BMP5: variants seen among roughly 807,000 people sequenced by gnomAD.
BMP5 encodes bone morphogenetic protein 5.
Under a neutral mutation model 46.6 loss-of-function variants are expected in BMP5, and 23 were observed. That is an observed-to-expected ratio of 0.49 (90% CI 0.35 to 0.70). BMP5 has a LOEUF of 0.70. Ranked by LOEUF, BMP5 falls within the 30% of genes least tolerant of loss-of-function variation. The pLI, the probability that BMP5 is intolerant of heterozygous loss-of-function variation, is 0.00. For missense variants in BMP5, 545 were observed against 565.6 expected, an observed-to-expected ratio of 0.96 and a Z score of 0.37; for synonymous variants, 204 against 191.9, an observed-to-expected ratio of 1.06 and a Z score of -0.52.
intron 1 of BMP5, among the ~76,000 whole-genome samples, chr6:55,828,315 T>TAGC (rs2127541348): frequency 6.6e-6 from 1 of 151,962 alleles, no homozygotes; most frequent in South Asian, 2.1e-4. Context: ...GGGTGACAGA[T>TAGC]AAGTAGTAGA....
chr6:55,799,263 A>G (rs1228701807), intron 2 of BMP5, among the ~76,000 whole-genome samples: 2 of 152,198 alleles, frequency 1.3e-5, no homozygotes, highest in African/African-American at 4.8e-5. Flanking sequence ...GGTCTGCCAT[A>G]ATACAAATGT....
chr6:55,794,282 C>T lies in BMP5; in HGVS notation c.829G>A (p.Asp277Asn), dbSNP rs1174900882. Reference sequence around the variant, plus strand: ...ATATATAAAATTCAGTGCTTACCATCCCCTGTTTCTGCACAGAGCTGTAAG... The same window carrying T: ...ATATATAAAATTCAGTGCTTACCATTCCCTGTTTCTGCACAGAGCTGTAAG... ...LGLQLCAETG[D>N]GRSINVKSAG... Residue 277 changes from aspartate to asparagine, a missense_variant, in exon 3 of 7, where the codon GAT (aspartate) becomes AAT (asparagine). By Grantham distance (23) the Asp-to-Asn change is conservative. Coordinates refer to ENST00000370830, the MANE Select transcript of BMP5 (RefSeq NM_021073.4). The T allele has an allele frequency of 3.1e-6, 5 of 1,613,776 alleles. No individual in the cohort carries two copies. In the African/African-American group the frequency reaches 6.7e-5, roughly 22 times the overall value.
intron 1 of BMP5, among the ~76,000 whole-genome samples, chr6:55,826,869 C>A (rs1421290006): frequency 6.6e-6 from 1 of 151,706 alleles, no homozygotes; most frequent in Non-Finnish European, 1.5e-5. Flanking sequence ...TTAGTTATCA[C>A]AAAGCCAGAG....
chr6:55,826,667 A>G lies in BMP5; in HGVS notation c.491-6820T>C, dbSNP rs373531756. Among the ~76,000 whole-genome samples, 9 of 151,498 alleles carry G rather than the reference A, an allele frequency of 5.9e-5. No homozygotes were observed. The East Asian group carries it at 1.4e-3, about 23-fold the overall frequency. ...GCTATGCATACCAAGCATTGGTATG[A>G]AAATTATATATTTAATAATTAAATT... On this transcript the variant is annotated intron_variant, in intron 1 of 6. Coordinates refer to ENST00000370830, the MANE Select transcript of BMP5 (RefSeq NM_021073.4).
rs183970354 is a variant in BMP5, at chr6:55,754,545, T to G, written c.*988A>C. On this transcript the variant is annotated 3_prime_UTR_variant, in exon 7 of 7. Coordinates refer to ENST00000370830, the MANE Select transcript of BMP5 (RefSeq NM_021073.4). ...AGTTTAGTTTCAGTGCTTTTACTTC[T>G]AAATAAAATCCCTTGCATCACATCA... 1.3e-5 allele frequency: 2 copies of G among 152,132 alleles called. No homozygotes were observed. Among genetic ancestry groups the G allele is most frequent in the Admixed American group, 1.3e-4 (2 of 15,236 alleles). 9.4% of individuals were successfully genotyped at this position (152,132 alleles called of 1,614,324 possible). A position where few individuals can be genotyped will look rare whatever the true frequency, so the allele number is the denominator to read the frequency against.
At chr6:55,764,319 A>G (rs1466726661) in intron 4 of BMP5, among the ~76,000 whole-genome samples, 3 of 152,306 alleles carry the variant, frequency 2.0e-5, no homozygotes, top group African/African-American at 7.2e-5. Flanking sequence ...CACACCTGTA[A>G]TCCCAGCACT....
At chr6:55,864,851 A>G (rs1340555959) in intron 1 of BMP5, among the ~76,000 whole-genome samples, 3 of 152,176 alleles carry the variant, frequency 2.0e-5, no homozygotes, top group South Asian at 2.1e-4. Context: ...TTAAAAAATT[A>G]TAAGTTATTA....
intron 3 of BMP5, among the ~76,000 whole-genome samples, chr6:55,785,468 A>C (rs1328860158): frequency 6.6e-6 from 1 of 151,836 alleles, no homozygotes; most frequent in Non-Finnish European, 1.5e-5. Flanking sequence ...TAAAGCATAC[A>C]GGGAAGATTT....
chr6:55,846,478 C>T (rs1286965671), intron 1 of BMP5, among the ~76,000 whole-genome samples: 2 of 151,848 alleles, frequency 1.3e-5, no homozygotes, highest in African/African-American at 4.8e-5. Flanking sequence ...TTACTTAATA[C>T]CCTCATTTGA....
At position 55,755,448 on chromosome 6, in the gene BMP5, T is replaced by G; in HGVS notation, c.*85A>C. On this transcript the variant is annotated 3_prime_UTR_variant, in exon 7 of 7. Coordinates refer to ENST00000370830, the MANE Select transcript of BMP5 (RefSeq NM_021073.4). Reference sequence around the variant, plus strand: ...AATGAGCCAGACTAATTTTAGGAAATTCCCCGTTTGTCTGAAAGTATGCTT... The same window carrying G: ...AATGAGCCAGACTAATTTTAGGAAAGTCCCCGTTTGTCTGAAAGTATGCTT... 1 of 1,352,476 alleles carries G rather than the reference T, an allele frequency of 7.4e-7. No homozygotes were observed. The highest frequency in any genetic ancestry group is 1.0e-6 in the Non-Finnish European group (1 of 964,606). 83.8% of individuals were successfully genotyped at this position (1,352,476 alleles called of 1,614,324 possible).
chr6:55,849,710 G>T (rs181203539), intron 1 of BMP5, among the ~76,000 whole-genome samples: 5 of 152,104 alleles, frequency 3.3e-5, no homozygotes, highest in Admixed American at 2.0e-4. Flanking sequence ...GCTTTTAAAA[G>T]ATTTCCTTCA....
At chr6:55,814,308 A>G (rs1238165433) in intron 2 of BMP5, among the ~76,000 whole-genome samples, 3 of 152,180 alleles carry the variant, frequency 2.0e-5, no homozygotes, top group African/African-American at 7.2e-5. Context: ...TTATGTATAT[A>G]GTTCTGTAAA....
At chr6:55,757,692 G>C (rs1299704901) in intron 6 of BMP5, among the ~76,000 whole-genome samples, 1 of 151,888 alleles carries the variant, frequency 6.6e-6, no homozygotes, top group African/African-American at 2.4e-5. Flanking sequence ...TGGCACTAAA[G>C]TAGGCATTCT....
rs535966073 is a variant in BMP5, at chr6:55,816,088, T to C, written c.683+3567A>G. Among the ~76,000 whole-genome samples the C allele has an allele frequency of 5.3e-5, 8 of 152,144 alleles. No homozygotes were observed. The South Asian group carries it at 1.7e-3, about 31-fold the overall frequency. On this transcript the variant is annotated intron_variant, in intron 2 of 6. Coordinates refer to ENST00000370830, the MANE Select transcript of BMP5 (RefSeq NM_021073.4). ...GGATAGAAAACTGGTATGCCAATCA[T>C]TCCTGAAAAAAATGCTTAGGATATA...
intron 5 of BMP5, among the ~76,000 whole-genome samples, chr6:55,760,253 T>C: frequency 6.6e-6 from 1 of 152,044 alleles, no homozygotes; most frequent in Non-Finnish European, 1.5e-5. Context: ...GTAGTTTTTT[T>C]GTTTGACTGT....
chr6:55,797,614 CTTTTTTTTTTT>C (rs60366569), intron 2 of BMP5, among the ~76,000 whole-genome samples: 8 of 110,598 alleles, frequency 7.2e-5, no homozygotes, highest in Non-Finnish European at 1.1e-4. Flanking sequence ...ATTTTCTTTT[CTTTTTTTTTTT>C]TTTTTTTTTG....
intron 3 of BMP5, among the ~76,000 whole-genome samples, chr6:55,791,289 C>T (rs1319966649): frequency 1.3e-5 from 2 of 152,184 alleles, no homozygotes; most frequent in Non-Finnish European, 2.9e-5. Context: ...CCCAGAGAAT[C>T]AGTTGCTTTC....
At chr6:55,771,421 G>A (rs1456539785) in intron 4 of BMP5, among the ~76,000 whole-genome samples, 2 of 150,236 alleles carry the variant, frequency 1.3e-5, no homozygotes, top group Non-Finnish European at 3.0e-5. Flanking sequence ...AAAACCTGAA[G>A]AGGAACAAGC....
At chr6:55,839,635 G>T (rs1776903303) in intron 1 of BMP5, among the ~76,000 whole-genome samples, 3 of 152,118 alleles carry the variant, frequency 2.0e-5, no homozygotes, top group Non-Finnish European at 2.9e-5. Flanking sequence ...GGTGTCTATT[G>T]TCTCTTGAAT....
Sources: gnomAD v4.1 joint callset for allele counts (sites outside exome capture counted in the v4.1 genomes callset) on GRCh38, gnomAD v4.1.1 for gene constraint, MANE v1.5 for transcripts, NCBI Gene and HGNC (gene_info 2026-07-23, HGNC 2026-07-21) for gene names.